The following ALOX5 variants were observed in gnomAD, a reference collection of about 807,000 sequenced individuals.
The protein encoded by ALOX5 is polyunsaturated fatty acid 5-lipoxygenase.
A neutral mutation model predicts 87.9 loss-of-function variants in ALOX5; 64 were observed. That is an observed-to-expected ratio of 0.73 (90% CI 0.60 to 0.90). The LOEUF is 0.90. Among genes scored for constraint, ALOX5 ranks in the 40% least tolerant of loss-of-function variants. The probability of loss-of-function intolerance (pLI) is 0.00; values close to 1 mark genes in which losing one functional copy is unlikely to be tolerated. For missense variants in ALOX5, 822 were observed against 907.5 expected (o/e 0.91, Z 1.21); for synonymous variants, 388 against 355.1 (o/e 1.09, Z -1.04).
intron 11 of ALOX5, 44 bp downstream of exon 11, chr10:45,443,581 G>T (rs751182888): frequency 6.3e-7 from 1 of 1,598,882 alleles, no homozygotes; most frequent in Non-Finnish European, 8.5e-7. Context: ...CCCCGCAGTC[G>T]GCAGCGCTGG....
At chr10:45,387,373 T>G (rs917418778) in intron 2 of ALOX5, among the ~76,000 whole-genome samples, 2 of 152,220 alleles carry the variant, frequency 1.3e-5, no homozygotes, top group Non-Finnish European at 2.9e-5. Flanking sequence ...TGAGAACTGC[T>G]GCTCTCACAG....
rs192418941 is a variant in ALOX5, at chr10:45,416,671, G to A, written c.554+4358G>A. 2.9e-4 allele frequency among the ~76,000 whole-genome samples: 44 copies of A among 152,208 alleles called. No individual in the cohort carries two copies. In the East Asian group the frequency reaches 7.3e-3, roughly 25 times the overall value. On this transcript the variant is annotated intron_variant, in intron 4 of 13. Transcript: ENST00000374391. ...TACTGGACAGATGGACAATCAAACC[G>A]ATGGACAGGCAGATGGATGGGTTGA...
intron 3 of ALOX5, among the ~76,000 whole-genome samples, chr10:45,402,257 C>T (rs1207250474): frequency 1.3e-5 from 2 of 152,156 alleles, no homozygotes; most frequent in African/African-American, 4.8e-5. Context: ...CCCAGCCACC[C>T]ACTGCTGTCA....
rs1460840494 is a variant in ALOX5, at chr10:45,444,660, C to G, written c.1845+374C>G. The G allele has an allele frequency of 5.5e-5, 13 of 234,382 alleles. No homozygotes were observed. In the South Asian group the frequency reaches 8.6e-4, roughly 15 times the overall value. 14.5% of individuals were successfully genotyped at this position (234,382 alleles called of 1,614,324 possible). A position where few individuals can be genotyped will look rare whatever the true frequency, so the allele number is the denominator to read the frequency against. ...GACACGTGCATCTCATTTAACCTAACAACTGAATCCGGTGTGTCTTCGTGG... is the reference window on the plus strand; with the variant it reads ...GACACGTGCATCTCATTTAACCTAAGAACTGAATCCGGTGTGTCTTCGTGG... On this transcript the variant is annotated intron_variant, in intron 13 of 13. Transcript: ENST00000374391.
Position 45,423,112 on chromosome 10 carries a change from G to A in ALOX5, c.555-929G>A, listed in dbSNP as rs1213185959. On this transcript the variant is annotated intron_variant, in intron 4 of 13. Transcript: ENST00000374391. The stretch of plus-strand genomic sequence containing the variant: ...GGTCAGGGCTTCAACACATGAATTT[G>A]GGGAGCACAATTTAGTCCACAGCAG... 7.9e-5 allele frequency among the ~76,000 whole-genome samples: 12 copies of A among 152,266 alleles called. No individual in the cohort carries two copies. The East Asian group carries it at 2.3e-3, about 29-fold the overall frequency.
intron 4 of ALOX5, among the ~76,000 whole-genome samples, chr10:45,415,806 A>G (rs1246193126): frequency 6.6e-6 from 1 of 152,230 alleles, no homozygotes; most frequent in African/African-American, 2.4e-5. Flanking sequence ...TTAGTACATC[A>G]GCACTTGATA....
chr10:45,445,422 T>C (rs1842405663), intron 13 of ALOX5, 86 bp from the exon 14 acceptor site: 2 of 1,479,980 alleles, frequency 1.4e-6, no homozygotes, highest in Admixed American at 1.9e-5. Flanking sequence ...TCCCAAACGG[T>C]GGCTGGCCCC....
intron 1 of ALOX5, among the ~76,000 whole-genome samples, chr10:45,376,727 A>G (rs1247936711): frequency 6.6e-6 from 1 of 152,216 alleles, no homozygotes; most frequent in South Asian, 2.1e-4. Flanking sequence ...CAGTCAAATA[A>G]TGGACAGGAC....
At chr10:45,406,234 G>A (rs12247314) in intron 3 of ALOX5, among the ~76,000 whole-genome samples, 1 of 152,158 alleles carries the variant, frequency 6.6e-6, no homozygotes, top group East Asian at 1.9e-4. Flanking sequence ...GAGAATAGTA[G>A]TAGGCACATA....
At chr10:45,435,702 T>A (rs1220860280) in intron 7 of ALOX5, among the ~76,000 whole-genome samples, 1 of 152,234 alleles carries the variant, frequency 6.6e-6, no homozygotes, top group Non-Finnish European at 1.5e-5. Flanking sequence ...CTAGGTTGAT[T>A]ACATGATTTT....
At position 45,428,719 on chromosome 10, in the gene ALOX5, G is replaced by C; in HGVS notation, c.936G>C (p.Leu312Phe). ...TLQFLAAPICLLYKNLANKIV... is the reference protein window; with the variant it reads ...TLQFLAAPICFLYKNLANKIV... ...AGTTCCTGGCCGCTCCCATCTGCTT[G>C]CTGTATAAGAACCTGGCCAACAAGA... Residue 312 changes from leucine to phenylalanine, a missense_variant, in exon 7 of 14, where the codon TTG (leucine) becomes TTC (phenylalanine). Leu to Phe is a conservative substitution (Grantham distance 22). Transcript: ENST00000374391. The C allele has an allele frequency of 6.2e-7, 1 of 1,614,094 alleles. No homozygotes were observed. The highest frequency in any genetic ancestry group is 8.5e-7 in the Non-Finnish European group (1 of 1,180,030).
At chr10:45,424,928 G>GCT (rs1233003568) in intron 5 of ALOX5, 32 bp from the exon 6 acceptor site, 6 of 1,612,638 alleles carry the variant, frequency 3.7e-6, no homozygotes, top group Middle Eastern at 1.7e-4. Context: ...TCTACTCAGA[G>GCT]CTCAGGGTGG....
intron 7 of ALOX5, among the ~76,000 whole-genome samples, chr10:45,432,874 A>G (rs1373909204): frequency 2.0e-5 from 3 of 152,252 alleles, no homozygotes; most frequent in Admixed American, 1.3e-4. Flanking sequence ...AAAGCAAAAC[A>G]GAGATTAGGG....
intron 2 of ALOX5, among the ~76,000 whole-genome samples, chr10:45,392,198 T>C (rs1840307184): frequency 6.6e-6 from 1 of 152,196 alleles, no homozygotes; most frequent in Admixed American, 6.5e-5. Flanking sequence ...CCACCCCATC[T>C]GGGAGGTGTA....
At chr10:45,391,217 C>T (rs866562987) in intron 2 of ALOX5, among the ~76,000 whole-genome samples, 2 of 151,632 alleles carry the variant, frequency 1.3e-5, no homozygotes, top group Non-Finnish European at 2.9e-5. Flanking sequence ...CTCAGCCTGC[C>T]GAGTGCCTGC....
chr10:45,415,398 A>T (rs1358991737), intron 4 of ALOX5, among the ~76,000 whole-genome samples: 1 of 152,178 alleles, frequency 6.6e-6, no homozygotes, highest in East Asian at 1.9e-4. Context: ...GAACACTTGG[A>T]CACAGGAAGG....
intron 2 of ALOX5, among the ~76,000 whole-genome samples, chr10:45,386,591 A>C (rs1230280454): frequency 1.3e-5 from 2 of 152,026 alleles, no homozygotes; most frequent in African/African-American, 4.8e-5. Flanking sequence ...AGAAAAAAAA[A>C]GACTTGGATT....
chr10:45,391,693 C>G (rs189409638), intron 2 of ALOX5, among the ~76,000 whole-genome samples: 1 of 151,778 alleles, frequency 6.6e-6, no homozygotes, highest in Admixed American at 6.6e-5. Context: ...AAGTGAGGAG[C>G]GTCTCTGCCC....
rs191811733 is a variant in ALOX5 at position 45,402,036 on chromosome 10, G to A, written c.431+6100G>A. 4.0e-4 allele frequency among the ~76,000 whole-genome samples: 57 copies of A among 142,670 alleles called. 1 individual carries two copies. In the East Asian group the frequency reaches 9.8e-3, roughly 25 times the overall value. The allele number at this position is 142,670 out of a possible 152,430, so 93.6% of individuals were successfully genotyped here. On this transcript the variant is annotated intron_variant, in intron 3 of 13. Coordinates refer to ENST00000374391, the MANE Select transcript of ALOX5 (RefSeq NM_000698.5). ...TGGGAGGCGGAGCTTGCAGTGAGCCGAGATTGCACCACTGCACTCCAGCCT... is the reference window on the plus strand; with the variant it reads ...TGGGAGGCGGAGCTTGCAGTGAGCCAAGATTGCACCACTGCACTCCAGCCT...
Sources: gnomAD v4.1 joint callset for allele counts (sites outside exome capture counted in the v4.1 genomes callset) on GRCh38, gnomAD v4.1.1 for gene constraint, MANE v1.5 for transcripts, NCBI Gene and HGNC (gene_info 2026-07-23, HGNC 2026-07-21) for gene names.